Variants in ADCYAP1R1 observed in about 807,000 individuals in gnomAD.
ADCYAP1R1 encodes the protein pituitary adenylate cyclase-activating polypeptide type I receptor.
In ADCYAP1R1, 44 loss-of-function variants were observed where a neutral mutation model predicts 67.6. The observed-to-expected ratio is 0.65, with a 90% confidence interval of 0.51 to 0.84. ADCYAP1R1 has a LOEUF of 0.84. ADCYAP1R1 is among the 40% of genes least tolerant of loss of function. The pLI is 0.00. For synonymous variants in ADCYAP1R1, 222 were observed against 219.6 expected, an observed-to-expected ratio of 1.01 and a Z score of -0.10; for missense variants, 477 against 587.9, an observed-to-expected ratio of 0.81 and a Z score of 1.95.
intron 13 of ADCYAP1R1, among the ~76,000 whole-genome samples, chr7:31,097,686 A>G (rs1796256867): frequency 6.6e-6 from 1 of 152,172 alleles, no homozygotes; most frequent in Non-Finnish European, 1.5e-5. Context: ...TGTGTTTACC[A>G]TGGAAACATC....
chr7:31,091,655 T>C (rs1795967311), intron 12 of ADCYAP1R1, among the ~76,000 whole-genome samples: 1 of 152,140 alleles, frequency 6.6e-6, no homozygotes, highest in Non-Finnish European at 1.5e-5. Context: ...CCCAGCATCA[T>C]TTACTGAATA....
At chr7:31,074,598 G>A (rs966073370) in intron 3 of ADCYAP1R1, among the ~76,000 whole-genome samples, 1 of 152,242 alleles carries the variant, frequency 6.6e-6, no homozygotes, top group Middle Eastern at 3.2e-3. Flanking sequence ...TCTCCATTAA[G>A]GGAACATCTG....
At chr7:31,104,992 T>C in intron 15 of ADCYAP1R1, 83 bp downstream of exon 15, 1 of 1,379,190 alleles carries the variant, frequency 7.3e-7, no homozygotes, top group Non-Finnish European at 1.0e-6. Context: ...GTTGGCCACA[T>C]GGGACTGACT....
intron 13 of ADCYAP1R1, among the ~76,000 whole-genome samples, chr7:31,093,598 G>C (rs1280303615): frequency 1.3e-5 from 2 of 152,138 alleles, no homozygotes; most frequent in African/African-American, 2.4e-5. Context: ...TGTCCCCTGT[G>C]GTTGGCTGGA....
At chr7:31,101,599 A>G (rs894214571) in intron 13 of ADCYAP1R1, among the ~76,000 whole-genome samples, 1 of 152,198 alleles carries the variant, frequency 6.6e-6, no homozygotes, top group Non-Finnish European at 1.5e-5. Context: ...TTCCTTCTGC[A>G]AGCACCCTCT....
intron 6 of ADCYAP1R1, among the ~76,000 whole-genome samples, chr7:31,083,871 T>G (rs1795619830): frequency 6.6e-6 from 1 of 152,220 alleles, no homozygotes; most frequent in African/African-American, 2.4e-5. Context: ...GGCCCATCCC[T>G]GATGAGCATT....
At chr7:31,055,451 C>A (rs1794200275) in intron 1 of ADCYAP1R1, among the ~76,000 whole-genome samples, 1 of 152,108 alleles carries the variant, frequency 6.6e-6, no homozygotes, top group African/African-American at 2.4e-5. Flanking sequence ...TGTCCATATA[C>A]AACTACTTAA....
In ADCYAP1R1 at chr7:31,086,652, C is replaced by T. The variant is rs966610657; in HGVS notation, c.823+115C>T. On this transcript the variant is annotated intron_variant, in intron 10 of 15. Transcript: ENST00000304166. The surrounding 1 kb of genome is among the most constrained non-coding windows in gnomAD (Gnocchi z 5.0). ...GGTGAGGAGGGGCCACTGCCCTGCCCGAGTCTAATGGCCTAGGCTCTGTCT... is the reference window on the plus strand; with the variant it reads ...GGTGAGGAGGGGCCACTGCCCTGCCTGAGTCTAATGGCCTAGGCTCTGTCT... The T allele has an allele frequency of 7.9e-6, 10 of 1,263,258 alleles. No homozygotes were observed. Among genetic ancestry groups the T allele is most frequent in the Middle Eastern group, 1.9e-4 (1 of 5,132 alleles). 78.3% of individuals were successfully genotyped at this position (1,263,258 alleles called of 1,614,324 possible). A position where few individuals can be genotyped will look rare whatever the true frequency, so the allele number is the denominator to read the frequency against.
At chr7:31,095,937 G>A (rs1055777352) in intron 13 of ADCYAP1R1, among the ~76,000 whole-genome samples, 2 of 152,190 alleles carry the variant, frequency 1.3e-5, no homozygotes, top group African/African-American at 4.8e-5. Context: ...CAGGACTTGG[G>A]CAGTGGGCAT....
chr7:31,106,499 C>A lies in ADCYAP1R1; in HGVS notation c.1222C>A (p.Gln408Lys). ...VLYCFLNGEV[Q>K]AEIKRKWRSW... ...CCGCCCAGTTTGCTCCCTGCAGGTA[C>A]AAGCGGAGATCAAGCGAAAATGGCG... is the stretch of plus-strand genomic sequence containing the variant. The change falls in exon 16 of 16, where the codon CAA becomes AAA. Residue 408 changes from glutamine to lysine, a missense_variant. Physicochemically the swap from Gln to Lys is moderately conservative, Grantham distance 53 (BLOSUM62 1). Transcript: ENST00000304166. 1 of 1,604,856 alleles carries A rather than the reference C, an allele frequency of 6.2e-7. No homozygotes were observed. Among genetic ancestry groups the A allele is most frequent in the South Asian group, 1.1e-5 (1 of 88,748 alleles).
In ADCYAP1R1 at chr7:31,102,099, T is replaced by G. The variant is rs1796463461; in HGVS notation, c.1047-1138T>G. On this transcript the variant is annotated intron_variant, in intron 13 of 15. Transcript: ENST00000304166. This position sits in a 1 kb window ranked among gnomAD's most constrained non-coding sequence, Gnocchi z 4.3. ...TTCAGCTTCTCTAGAGATCTGGAGC[T>G]CCCATGTTCAACAGAACATTCTCTC... 6.6e-6 allele frequency among the ~76,000 whole-genome samples: 1 copy of G among 152,196 alleles called. No individual in the cohort carries two copies. The highest frequency in any genetic ancestry group is 2.4e-5 in the African/African-American group (1 of 41,456).
chr7:31,060,716 AAGAG>A (rs1192146274), intron 1 of ADCYAP1R1, among the ~76,000 whole-genome samples: 4 of 151,884 alleles, frequency 2.6e-5, no homozygotes, highest in African/African-American at 4.8e-5. Context: ...GAGAGAGAGA[AAGAG>A]AGAGAAACAG....
intron 7 of ADCYAP1R1, 85 bp downstream of exon 7, chr7:31,084,335 G>T: frequency 1.8e-6 from 2 of 1,132,254 alleles, no homozygotes; most frequent in Non-Finnish European, 2.6e-6. Context: ...ATGAGCACCT[G>T]CTGGGGCTGA....
Position 31,106,810 on chromosome 7 carries a change from A to AG in ADCYAP1R1, c.*132dup. On this transcript the variant is annotated 3_prime_UTR_variant, in exon 16 of 16. Transcript: ENST00000304166. The stretch of plus-strand genomic sequence containing the variant: ...CCCTGGGCTGGAAGCTTGGCTCCTG[A>AG]GGGGGGAGAAGGAGGCAGGGCACAG... 1.7e-6 allele frequency: 2 copies of AG among 1,149,756 alleles called. No homozygotes were observed. The highest frequency in any genetic ancestry group is 1.6e-5 in the African/African-American group (1 of 63,696). The allele number at this position is 1,149,756 out of a possible 1,614,324, so 71.2% of individuals were successfully genotyped here.
At chr7:31,093,210 G>A (rs1584529908) in intron 13 of ADCYAP1R1, among the ~76,000 whole-genome samples, 1 of 152,316 alleles carries the variant, frequency 6.6e-6, no homozygotes, top group East Asian at 1.9e-4. Context: ...TGGTCTGGGT[G>A]TTGGAAGGTG....
chr7:31,107,407 G>C lies in ADCYAP1R1; in HGVS notation c.*723G>C, dbSNP rs1796691400. 1 of 152,408 alleles carries C rather than the reference G, an allele frequency of 6.6e-6. No homozygotes were observed. The highest frequency in any genetic ancestry group is 3.4e-3 in the Middle Eastern group (1 of 294). 9.4% of individuals were successfully genotyped at this position (152,408 alleles called of 1,614,324 possible). On this transcript the variant is annotated 3_prime_UTR_variant, in exon 16 of 16. Transcript: ENST00000304166. ...GTGCTTTTCGTTTGATCCAAAAGGA[G>C]CTGAGAGCCAGAAATGTGGCTGTGA...
chr7:31,094,103 T>C (rs1357653042), intron 13 of ADCYAP1R1, among the ~76,000 whole-genome samples: 2 of 152,218 alleles, frequency 1.3e-5, no homozygotes, highest in Non-Finnish European at 1.5e-5. Context: ...ATACAATGAT[T>C]ACATTACATT....
At chr7:31,057,803 C>T (rs1288754632) in intron 1 of ADCYAP1R1, among the ~76,000 whole-genome samples, 3 of 152,196 alleles carry the variant, frequency 2.0e-5, no homozygotes, top group Non-Finnish European at 4.4e-5. Context: ...GGCGGTCCAG[C>T]TCCCCTGTCA....
intron 15 of ADCYAP1R1, 97 bp from the exon 16 acceptor site, chr7:31,106,399 G>C (rs1397179591): frequency 1.9e-5 from 27 of 1,422,366 alleles, no homozygotes; most frequent in Non-Finnish European, 2.5e-5. Flanking sequence ...TGCTGAGGGT[G>C]GCACTGCCAG....
Sources: allele counts gnomAD v4.1 joint callset (sites outside exome capture counted in the v4.1 genomes callset), GRCh38; gene constraint gnomAD v4.1.1; non-coding constraint Gnocchi (gnomAD v3.1); transcripts MANE v1.5; gene names NCBI Gene and HGNC (gene_info 2026-07-23, HGNC 2026-07-21).